The following HSP90AA1 variants were observed in gnomAD, a reference collection of about 807,000 sequenced individuals.
The protein encoded by HSP90AA1 is heat shock protein 90 alpha family class A member 1.
Under a neutral mutation model 73.3 loss-of-function variants are expected in HSP90AA1, and 18 were observed. The ratio of observed to expected loss-of-function variants is 0.25; its 90% CI spans 0.17 to 0.36. The LOEUF is 0.36. HSP90AA1 is among the 10% of genes least tolerant of loss of function. HSP90AA1 has a pLI of 1.00. For synonymous variants in HSP90AA1, 477 were observed against 296.9 expected (o/e 1.61, Z -6.24); for missense variants, 704 against 874.2 (o/e 0.81, Z 2.45).
chr14:102,081,694 T>C lies in HSP90AA1; in HGVS notation c.*18A>G, dbSNP rs764120109. On this transcript the variant is annotated 3_prime_UTR_variant, in exon 11 of 11. Coordinates refer to ENST00000216281, the MANE Select transcript of HSP90AA1 (RefSeq NM_005348.4). ...AATTGTAGAGTACTGAACAGGTAAG[T>C]CATCCCTCAGCCAGAGATTAGTCTA... 9.9e-7 allele frequency: 1 copy of C among 1,007,626 alleles called. No individual in the cohort carries two copies. Among genetic ancestry groups the C allele is most frequent in the South Asian group, 1.3e-5 (1 of 79,130 alleles). The allele number at this position is 1,007,626 out of a possible 1,614,324, so 62.4% of individuals were successfully genotyped here. A position where few individuals can be genotyped will look rare whatever the true frequency, so the allele number is the denominator to read the frequency against.
At chr14:102,139,183 T>G in intron 1 of HSP90AA1, 1 of 1,579,704 alleles carries the variant, frequency 6.3e-7, no homozygotes, top group Non-Finnish European at 8.7e-7. Flanking sequence ...CTGTACCACA[T>G]TCTTCTCTCC....
At chr14:102,087,476 G>C (rs550025018), upstream of HSP90AA1, among the ~76,000 whole-genome samples, 977 of 152,114 alleles carry the variant, frequency 6.4e-3, 14 homozygotes, top group African/African-American at 0.022. Context: ...CGCGGGGCCG[G>C]GGTGGGAGGC....
intron 1 of HSP90AA1, among the ~76,000 whole-genome samples, chr14:102,115,053 A>C (rs1476104966): frequency 6.6e-6 from 1 of 151,952 alleles, no homozygotes. Context: ...AAGCTGAGGC[A>C]GGAGAATGGC....
intron 1 of HSP90AA1, among the ~76,000 whole-genome samples, chr14:102,114,240 C>A (rs773653863): frequency 4.0e-5 from 6 of 151,314 alleles, no homozygotes; most frequent in Non-Finnish European, 8.8e-5. Context: ...CCGCCCACCT[C>A]GGCCTCCCAA....
At chr14:102,126,537 CTTTT>C (rs1595679599) in intron 1 of HSP90AA1, among the ~76,000 whole-genome samples, 1 of 145,458 alleles carries the variant, frequency 6.9e-6, no homozygotes, top group East Asian at 2.0e-4. Flanking sequence ...TTTTTTTTTT[CTTTT>C]TTGAGACGGA....
In HSP90AA1 at chr14:102,085,600, AC is replaced by A. The variant is rs1444355344; in HGVS notation, c.529+157del. The A allele has an allele frequency of 3.1e-6, 4 of 1,277,446 alleles. No individual in the cohort carries two copies. In the Admixed American group the frequency reaches 5.7e-5, roughly 18 times the overall value. The allele number at this position is 1,277,446 out of a possible 1,614,324, so 79.1% of individuals were successfully genotyped here. A position where few individuals can be genotyped will look rare whatever the true frequency, so the allele number is the denominator to read the frequency against. ...GGTGCCTCGCCCAAAAGAACCGCCCACCAAGTCATGCCATTACACTAATTAA... is the reference window on the plus strand; with the variant it reads ...GGTGCCTCGCCCAAAAGAACCGCCCACAAGTCATGCCATTACACTAATTAA... On this transcript the variant is annotated intron_variant, in intron 3 of 10. Transcript: ENST00000216281.
chr14:102,083,248 T>C lies in HSP90AA1; in HGVS notation c.1541A>G (p.His514Arg), dbSNP rs775179145. The C allele has an allele frequency of 2.5e-6, 4 of 1,614,196 alleles. No homozygotes were observed. The highest frequency in any genetic ancestry group is 1.6e-4 in the Middle Eastern group (1 of 6,062). Residue 514 changes from histidine (H) to arginine (R), a missense_variant, in exon 9 of 11, where the codon CAT becomes CGT. Physicochemically the swap from His to Arg is conservative, Grantham distance 29. Transcript: ENST00000216281. Reference protein sequence around the residue: ...NSAFVERLRKHGLEVIYMIEP... With the variant: ...NSAFVERLRKRGLEVIYMIEP... ...AATCATATAGATCACTTCTAAGCCA[T>C]GTTTCCGAAGACGTTCCACAAAGGC...
At chr14:102,100,344 C>G (rs974457618) in intron 2 of HSP90AA1, among the ~76,000 whole-genome samples, 2 of 151,908 alleles carry the variant, frequency 1.3e-5, no homozygotes, top group South Asian at 4.1e-4. Flanking sequence ...TTGGTTCTGT[C>G]AGCTATTATT....
At chr14:102,083,398 C>G in intron 8 of HSP90AA1, 96 bp from the exon 9 acceptor site, 2 of 1,470,476 alleles carry the variant, frequency 1.4e-6, no homozygotes, top group Non-Finnish European at 1.9e-6. Context: ...CTAGGCAGAA[C>G]CTAAGACAGA....
chr14:102,103,240 T>C (rs7149547), intron 1 of HSP90AA1, among the ~76,000 whole-genome samples: 11,280 of 141,370 alleles, frequency 0.08, 747 homozygotes, highest in African/African-American at 0.18. Context: ...TTTTTTTTTT[T>C]CAGATAGGGT....
intron 1 of HSP90AA1, among the ~76,000 whole-genome samples, chr14:102,133,037 T>C (rs1176278636): frequency 6.6e-6 from 1 of 151,898 alleles, no homozygotes; most frequent in Non-Finnish European, 1.5e-5. Context: ...CCCAGCACTT[T>C]GGGAGGCCAA....
intron 1 of HSP90AA1, among the ~76,000 whole-genome samples, chr14:102,112,506 T>C (rs936246734): frequency 1.3e-5 from 2 of 151,398 alleles, no homozygotes; most frequent in African/African-American, 4.9e-5. Context: ...AGAGACAGGG[T>C]CTTGCTCTGT....
chr14:102,096,992 T>A (rs2049433252), intron 2 of HSP90AA1, among the ~76,000 whole-genome samples: 1 of 147,894 alleles, frequency 6.8e-6, no homozygotes, highest in East Asian at 2.0e-4. Context: ...AAGAAAGCAA[T>A]TTTTTTTTTT....
chr14:102,107,419 G>A (rs1566730037), intron 1 of HSP90AA1, among the ~76,000 whole-genome samples: 1 of 151,936 alleles, frequency 6.6e-6, no homozygotes, highest in Admixed American at 6.6e-5. Context: ...CTGCCTCCCG[G>A]GTTCAAGCAA....
exon 1 of HSP90AA1, chr14:102,139,406 C>T (rs1428178559): frequency 1.3e-6 from 2 of 1,557,238 alleles, no homozygotes; most frequent in Admixed American, 2.0e-5. Context: ...CGGGGGCATC[C>T]GCGCTCCCCG....
Position 102,084,425 on chromosome 14 carries a change from C to G in HSP90AA1, c.1121G>C (p.Cys374Ser). The G allele has an allele frequency of 1.9e-6, 3 of 1,612,596 alleles. No individual in the cohort carries two copies. The highest frequency in any genetic ancestry group is 2.5e-6 in the Non-Finnish European group (3 of 1,178,600). The stretch of plus-strand genomic sequence containing the variant: ...CAGATATTCAGGGATTAGCTCCTCA[C>G]AGTTATCCATGATGAAAACTCTGCG... ...YVRRVFIMDN[C>S]EELIPEYLNF... The change falls in exon 6 of 11, where the codon TGT (cysteine) becomes TCT (serine). Residue 374 changes from cysteine to serine, a missense_variant. By Grantham distance (112) the Cys-to-Ser change is moderately radical. Transcript: ENST00000216281.
chr14:102,087,223 A>C (rs1415250052), upstream of HSP90AA1: 1 of 939,612 alleles, frequency 1.1e-6, no homozygotes. Flanking sequence ...GGGCGCGCGC[A>C]GGCCCTGCTC....
At chr14:102,134,695 C>A (rs1011962277) in intron 1 of HSP90AA1, among the ~76,000 whole-genome samples, 7 of 152,116 alleles carry the variant, frequency 4.6e-5, no homozygotes, top group Non-Finnish European at 8.8e-5. Flanking sequence ...TTGCTGGCTT[C>A]AGGAGTGAAG....
intron 2 of HSP90AA1, among the ~76,000 whole-genome samples, chr14:102,099,121 T>A (rs2049462020): frequency 6.6e-6 from 1 of 152,252 alleles, no homozygotes; most frequent in Non-Finnish European, 1.5e-5. Context: ...AAGTTCATAC[T>A]TCGAGTGGCT....
Sources: allele counts gnomAD v4.1 joint callset (sites outside exome capture counted in the v4.1 genomes callset), GRCh38; gene constraint gnomAD v4.1.1; transcripts MANE v1.5; gene names NCBI Gene and HGNC (gene_info 2026-07-23, HGNC 2026-07-21).